The following UNC79 variants were observed in gnomAD, a reference collection of about 807,000 sequenced individuals.
UNC79 encodes the protein protein unc-79 homolog.
In UNC79, 37 loss-of-function variants were observed where a neutral mutation model predicts 283.1. The observed-to-expected ratio is 0.13, with a 90% CI of 0.10 to 0.17. The LOEUF (loss-of-function observed/expected upper bound fraction) is 0.17, where lower values mean the gene tolerates loss of function less well. Ranked by LOEUF, UNC79 falls within the 10% of genes least tolerant of loss-of-function variation. UNC79 has a pLI of 1.00. For missense variants in UNC79, 2,272 were observed against 3,211.1 expected, an observed-to-expected ratio of 0.71 and a Z score of 7.07; for synonymous variants, 1,107 against 1,200.2, an observed-to-expected ratio of 0.92 and a Z score of 1.61.
chr14:93,634,474 C>A, intron 31 of UNC79, 47 bp from the exon 34 acceptor site: 2 of 1,392,102 alleles, frequency 1.4e-6, no homozygotes, highest in South Asian at 1.2e-5. Flanking sequence ...CCTTTGTGTG[C>A]TGTGGAAATT....
intron 7 of UNC79, among the ~76,000 whole-genome samples, chr14:93,503,589 T>C (rs2059397293): frequency 6.6e-6 from 1 of 152,056 alleles, no homozygotes; most frequent in Non-Finnish European, 1.5e-5. Context: ...TTTAAAAATT[T>C]TAGCCATTTT....
intron 1 of UNC79, among the ~76,000 whole-genome samples, chr14:93,387,222 C>T (rs1041775253): frequency 6.6e-6 from 1 of 152,072 alleles, no homozygotes; most frequent in Non-Finnish European, 1.5e-5. Flanking sequence ...GGATTTTAGG[C>T]GTGTGCCACT....
At chr14:93,665,530 A>G (rs989125063) in intron 40 of UNC79, among the ~76,000 whole-genome samples, 4 of 152,016 alleles carry the variant, frequency 2.6e-5, no homozygotes, top group African/African-American at 4.8e-5. Context: ...AGGAAGCACA[A>G]TGAGCCCTGA....
chr14:93,572,590 G>A, intron 15 of UNC79, 103 bp from the exon 16 acceptor site: 5 of 1,517,090 alleles, frequency 3.3e-6, no homozygotes, highest in Non-Finnish European at 4.4e-6. Context: ...TAATCTAAAA[G>A]GCTTGGCTCT....
At chr14:93,521,591 T>G (rs1347705731) in intron 7 of UNC79, among the ~76,000 whole-genome samples, 3 of 151,826 alleles carry the variant, frequency 2.0e-5, no homozygotes, top group African/African-American at 4.8e-5. Flanking sequence ...GCATTATTTC[T>G]CTTCTCTCAA....
chr14:93,377,572 T>C (rs994652481), intron 1 of UNC79, among the ~76,000 whole-genome samples: 1 of 152,162 alleles, frequency 6.6e-6, no homozygotes, highest in Admixed American at 6.5e-5. Flanking sequence ...TGTTGTGTTA[T>C]ATAAAGGGGA....
At chr14:93,491,378 A>C (rs1416992623) in intron 5 of UNC79, among the ~76,000 whole-genome samples, 3 of 152,084 alleles carry the variant, frequency 2.0e-5, no homozygotes, top group African/African-American at 7.2e-5. Flanking sequence ...TATATTTATT[A>C]TATATTATGT....
chr14:93,547,025 T>C (rs995837350), intron 14 of UNC79, among the ~76,000 whole-genome samples: 2 of 152,090 alleles, frequency 1.3e-5, no homozygotes, highest in African/African-American at 4.8e-5. Flanking sequence ...AAAATAGTCA[T>C]AGTTAAAGAT....
At chr14:93,448,652 G>C (rs1399405959) in intron 1 of UNC79, among the ~76,000 whole-genome samples, 4 of 152,186 alleles carry the variant, frequency 2.6e-5, no homozygotes, top group Non-Finnish European at 5.9e-5. Flanking sequence ...CCGATGAGGT[G>C]TTGTTTCCTT....
At chr14:93,415,674 A>G (rs990499320) in intron 1 of UNC79, among the ~76,000 whole-genome samples, 6 of 151,710 alleles carry the variant, frequency 4.0e-5, no homozygotes, top group Non-Finnish European at 8.8e-5. Context: ...TTGGTAAGCT[A>G]TTGATTATTG....
chr14:93,344,711 G>T (rs11621700), intron 1 of UNC79, among the ~76,000 whole-genome samples: 2 of 152,146 alleles, frequency 1.3e-5, no homozygotes, highest in African/African-American at 4.8e-5. Context: ...TACAGGACTC[G>T]TGTAAATCAC....
chr14:93,350,367 A>G (rs543235385), intron 1 of UNC79, among the ~76,000 whole-genome samples: 84 of 152,248 alleles, frequency 5.5e-4, no homozygotes, highest in African/African-American at 1.9e-3. Flanking sequence ...GATTGTTTAA[A>G]AATAATAATT....
intron 1 of UNC79, chr14:93,334,856 T>C (rs1346893077): frequency 6.6e-6 from 1 of 152,210 alleles, no homozygotes; most frequent in African/African-American, 2.4e-5. Flanking sequence ...GGGGGATGAC[T>C]GTATTGCATT....
At chr14:93,404,493 A>AAAAAAAAAAAAAAAAATATATATATAT in intron 1 of UNC79, among the ~76,000 whole-genome samples, 44 of 61,482 alleles carry the variant, frequency 7.2e-4, no homozygotes, top group East Asian at 1.4e-3. Context: ...TTCTAAAAAA[A>AAAAAAAAAAAAAAAAATATATATATAT]ATATATATAT....
At chr14:93,398,207 G>A (rs1217988679) in intron 1 of UNC79, among the ~76,000 whole-genome samples, 1 of 152,158 alleles carries the variant, frequency 6.6e-6, no homozygotes, top group East Asian at 1.9e-4. Flanking sequence ...TTATGTGTGT[G>A]TGCCACAAGG....
intron 1 of UNC79, among the ~76,000 whole-genome samples, chr14:93,436,503 G>A (rs946809099): frequency 2.6e-5 from 4 of 151,816 alleles, no homozygotes; most frequent in Non-Finnish European, 5.9e-5. Context: ...TTAAGATAAA[G>A]TGGCAATATA....
At chr14:93,601,097 C>T (rs569031652) in intron 25 of UNC79, among the ~76,000 whole-genome samples, 1 of 152,290 alleles carries the variant, frequency 6.6e-6, no homozygotes, top group Non-Finnish European at 1.5e-5. Context: ...CAAACTCACT[C>T]TTGCATACTT....
chr14:93,545,066 G>A (rs1324515378), intron 14 of UNC79, among the ~76,000 whole-genome samples: 1 of 152,090 alleles, frequency 6.6e-6, no homozygotes, highest in African/African-American at 2.4e-5. Context: ...TGTCAGGTGG[G>A]TAGGAGAAAA....
At chr14:93,584,843 C>T (rs1028060571) in intron 20 of UNC79, among the ~76,000 whole-genome samples, 2 of 151,678 alleles carry the variant, frequency 1.3e-5, no homozygotes, top group East Asian at 1.9e-4. Flanking sequence ...ACTACAGGCA[C>T]CCACCACCAC....
Sources: gnomAD v4.1 joint callset for allele counts (sites outside exome capture counted in the v4.1 genomes callset) on GRCh38, gnomAD v4.1.1 for gene constraint, MANE v1.5 for transcripts, NCBI Gene and HGNC (gene_info 2026-07-23, HGNC 2026-07-21) for gene names.